The following DCT variants were observed in gnomAD, a reference collection of about 807,000 sequenced individuals.
DCT encodes L-dopachrome tautomerase.
A neutral mutation model predicts 53.0 loss-of-function variants in DCT; 47 were observed. That is an observed-to-expected ratio of 0.89 (90% CI 0.70 to 1.13). DCT has a LOEUF of 1.13. Ranked by LOEUF, DCT falls within the 50% of genes most tolerant of loss-of-function variation. DCT has a pLI of 0.00. For synonymous variants in DCT, 244 were observed against 237.0 expected (o/e 1.03, Z -0.27); for missense variants, 669 against 637.4 (o/e 1.05, Z -0.53).
At chr13:94,490,241 A>T in the DCT span, among the ~76,000 whole-genome samples, 1 of 152,184 alleles carries the variant, frequency 6.6e-6, no homozygotes, top group Admixed American at 6.5e-5. Flanking sequence ...GCAGTGGCTC[A>T]TGCCTGTAAT....
chr13:94,539,042 G>A, the DCT span, among the ~76,000 whole-genome samples: 4 of 152,258 alleles, frequency 2.6e-5, no homozygotes, highest in South Asian at 6.2e-4. Flanking sequence ...ATTAACACCT[G>A]CATTTCCAAA....
intron 6 of DCT, among the ~76,000 whole-genome samples, chr13:94,444,178 A>G (rs1448266943): frequency 6.6e-6 from 1 of 152,212 alleles, no homozygotes; most frequent in African/African-American, 2.4e-5. Flanking sequence ...ATGACACTTG[A>G]AGGAAATGCT....
chr13:94,547,210 C>G, the DCT span, among the ~76,000 whole-genome samples: 150,818 of 151,972 alleles, frequency 0.99, 74,840 homozygotes, highest in Middle Eastern at 1. Flanking sequence ...TCCACCTCCC[C>G]TGTTCAACGG....
chr13:94,460,500 G>A (rs1353882887), intron 5 of DCT, among the ~76,000 whole-genome samples: 1 of 152,116 alleles, frequency 6.6e-6, no homozygotes, highest in Non-Finnish European at 1.5e-5. Context: ...TGGAGAGCAG[G>A]CTCTATGTTT....
Position 94,439,952 on chromosome 13 carries a change from A to G in DCT, c.1506T>C (p.Tyr502=), listed in dbSNP as rs200951860. ...TTAAATGTGTCTCCATTAGGGGTGT[A>G]TATCCTTTTCGAAGTCTTCTATATT... ...FLQYRRLRKG[Y]TPLMETHLSS... Residue 502 remains tyrosine (Y), a synonymous_variant, in exon 8 of 8, where the codon TAT becomes TAC. Transcript: ENST00000377028. 285 of 1,614,014 alleles carry G rather than the reference A, an allele frequency of 1.8e-4. No homozygotes were observed. Among genetic ancestry groups the G allele is most frequent in the Middle Eastern group, 3.3e-4 (2 of 6,060 alleles).
chr13:94,472,568 A>ATT (rs869190962), intron 1 of DCT, among the ~76,000 whole-genome samples: 2 of 15,032 alleles, frequency 1.3e-4, no homozygotes, highest in Non-Finnish European at 2.0e-4. Flanking sequence ...ATATATATAT[A>ATT]TTTTTTTTTT....
rs1004202999 is a variant in DCT, at chr13:94,479,374, T to A, written c.-119A>T. On this transcript the variant is annotated 5_prime_UTR_variant, in exon 1 of 8. Coordinates refer to ENST00000377028, the MANE Select transcript of DCT (RefSeq NM_001922.5). ...TCAGTATTTTTTATTTTTCTTTGCT[T>A]TCTATTCCTTTCTTCTTAAAAAAAT... 8 of 948,648 alleles carry A rather than the reference T, an allele frequency of 8.4e-6. No individual in the cohort carries two copies. The African/African-American group carries it at 1.3e-4, about 16-fold the overall frequency. The allele number at this position is 948,648 out of a possible 1,614,324, so 58.8% of individuals were successfully genotyped here.
intron 1 of DCT, among the ~76,000 whole-genome samples, chr13:94,472,592 T>G (rs1387257453): frequency 2.3e-5 from 2 of 87,496 alleles, no homozygotes; most frequent in Non-Finnish European, 4.7e-5. Context: ...TTTTTTTTTT[T>G]TTTTTTGTCA....
At chr13:94,486,813 C>T in the DCT span, among the ~76,000 whole-genome samples, 1 of 152,186 alleles carries the variant, frequency 6.6e-6, no homozygotes, top group African/African-American at 2.4e-5. Flanking sequence ...TTCTCCTTCC[C>T]TTATGTTCCT....
chr13:94,513,017 C>T, the DCT span, among the ~76,000 whole-genome samples: 33 of 152,248 alleles, frequency 2.2e-4, no homozygotes, highest in African/African-American at 5.8e-4. Context: ...TTGGGTGAGG[C>T]CATGAACTTT....
intron 7 of DCT, among the ~76,000 whole-genome samples, chr13:94,441,664 A>G (rs1341535161): frequency 3.3e-5 from 5 of 152,212 alleles, no homozygotes; most frequent in African/African-American, 1.2e-4. Flanking sequence ...ATGTTGTGGC[A>G]TGTATCAGAA....
the DCT span, among the ~76,000 whole-genome samples, chr13:94,513,323 C>A: frequency 6.6e-6 from 1 of 152,170 alleles, no homozygotes; most frequent in Non-Finnish European, 1.5e-5. Context: ...TCCACCTGGG[C>A]ATATAAATTA....
Position 94,446,004 on chromosome 13 carries a change from G to A in DCT, c.1180-2367C>T, listed in dbSNP as rs967958575. 5.3e-5 allele frequency among the ~76,000 whole-genome samples: 8 copies of A among 152,300 alleles called. No homozygotes were observed. The East Asian group carries it at 1.4e-3, about 26-fold the overall frequency. Reference sequence around the variant, plus strand: ...GGAAGGAGAACAGATGGAATGTCAGGCCTGAGACTTCTCCTCCACACTGCT... The same window carrying A: ...GGAAGGAGAACAGATGGAATGTCAGACCTGAGACTTCTCCTCCACACTGCT... On this transcript the variant is annotated intron_variant, in intron 6 of 7. Transcript: ENST00000377028.
intron 1 of DCT, among the ~76,000 whole-genome samples, chr13:94,477,200 A>T (rs1885146268): frequency 1.3e-5 from 2 of 152,022 alleles, no homozygotes; most frequent in Non-Finnish European, 1.5e-5. Context: ...GGTTCAAGAG[A>T]TTCTCCTGTC....
In DCT at chr13:94,464,596, C is replaced by T. The variant is rs192077444; in HGVS notation, c.863+1037G>A. The stretch of plus-strand genomic sequence containing the variant: ...CGGAGGTTGCAGTGAGCCGAGATCA[C>T]GTCACTGCACTCCAGCCTGGTGACA... On this transcript the variant is annotated intron_variant, in intron 4 of 7. Coordinates refer to ENST00000377028, the MANE Select transcript of DCT (RefSeq NM_001922.5). 4.3e-3 allele frequency among the ~76,000 whole-genome samples: 650 copies of T among 151,848 alleles called. 7 individuals are homozygous for T. Among genetic ancestry groups the T allele is most frequent in the African/African-American group, 0.015 (616 of 41,394 alleles).
the DCT span, among the ~76,000 whole-genome samples, chr13:94,503,322 G>A: frequency 1.3e-5 from 2 of 151,686 alleles, no homozygotes; most frequent in Admixed American, 6.6e-5. Flanking sequence ...CGAGGCTGCA[G>A]TGAGCCAAGA....
At chr13:94,472,544 ATATATATATATATATATATATATAT>A (rs1884755203) in intron 1 of DCT, among the ~76,000 whole-genome samples, 2 of 26,740 alleles carry the variant, frequency 7.5e-5, no homozygotes, top group African/African-American at 3.4e-4. Flanking sequence ...ATATATATAT[ATATATATATATATATATATATATAT>A]TTTTTTTTTT....
chr13:94,494,174 T>C, the DCT span, among the ~76,000 whole-genome samples: 3 of 152,106 alleles, frequency 2.0e-5, no homozygotes, highest in African/African-American at 7.2e-5. Flanking sequence ...GTGCTCCTCG[T>C]CCCCATACAT....
At chr13:94,470,677 C>T (rs1884585489) in intron 1 of DCT, among the ~76,000 whole-genome samples, 2 of 152,298 alleles carry the variant, frequency 1.3e-5, no homozygotes, top group South Asian at 4.1e-4. Context: ...CTTCCTGAAA[C>T]ACTTTTCCCT....
Sources: allele counts gnomAD v4.1 joint callset (sites outside exome capture counted in the v4.1 genomes callset), GRCh38; gene constraint gnomAD v4.1.1; transcripts MANE v1.5; gene names NCBI Gene and HGNC (gene_info 2026-07-23, HGNC 2026-07-21).